The following GALNTL6 variants were observed in gnomAD, a reference collection of about 807,000 sequenced individuals.
GALNTL6 encodes the protein polypeptide N-acetylgalactosaminyltransferase-like 6.
Under a neutral mutation model 73.7 loss-of-function variants are expected in GALNTL6, and 46 were observed. The observed-to-expected ratio is 0.62, with a 90% CI of 0.49 to 0.80. The LOEUF (loss-of-function observed/expected upper bound fraction) is 0.80, where lower values mean the gene tolerates loss of function less well. Among genes scored for constraint, GALNTL6 ranks in the 30% least tolerant of loss-of-function variants. The pLI, the probability that GALNTL6 is intolerant of heterozygous loss-of-function variation, is 0.00. For synonymous variants in GALNTL6, 259 were observed against 263.7 expected (o/e 0.98, Z 0.17); for missense variants, 604 against 755.0 (o/e 0.80, Z 2.34).
Position 172,119,510 on chromosome 4 carries a change from T to C in GALNTL6, c.139-110146T>C, listed in dbSNP as rs989210900. ...ATGTGTTGGATATTTTACAGCTATTTTCTTGGCCACGTTATAACATTCTGA... is the reference window on the plus strand; with the variant it reads ...ATGTGTTGGATATTTTACAGCTATTCTCTTGGCCACGTTATAACATTCTGA... On this transcript the variant is annotated intron_variant, in intron 2 of 12. Coordinates refer to ENST00000506823, the MANE Select transcript of GALNTL6 (RefSeq NM_001034845.3). Among the ~76,000 whole-genome samples the C allele has an allele frequency of 2.6e-5, 4 of 152,178 alleles. No individual in the cohort carries two copies. The East Asian group carries it at 7.7e-4, about 29-fold the overall frequency.
At chr4:172,712,953 A>C (rs1734802961) in intron 5 of GALNTL6, among the ~76,000 whole-genome samples, 1 of 152,138 alleles carries the variant, frequency 6.6e-6, no homozygotes, top group Admixed American at 6.6e-5. Flanking sequence ...CTCTGGCTTA[A>C]TTTCCTTACG....
At chr4:172,715,883 T>C (rs1735050217) in intron 5 of GALNTL6, among the ~76,000 whole-genome samples, 1 of 152,194 alleles carries the variant, frequency 6.6e-6, no homozygotes, top group South Asian at 2.1e-4. Flanking sequence ...ACAAACTAAG[T>C]ACACTATGTT....
At chr4:172,196,774 G>C (rs1735785504) in intron 2 of GALNTL6, among the ~76,000 whole-genome samples, 1 of 152,036 alleles carries the variant, frequency 6.6e-6, no homozygotes, top group African/African-American at 2.4e-5. Context: ...CAATAAACTA[G>C]GTATTGAAGG....
chr4:172,465,206 G>A (rs907517938), intron 5 of GALNTL6, among the ~76,000 whole-genome samples: 14 of 152,132 alleles, frequency 9.2e-5, no homozygotes, highest in African/African-American at 2.7e-4. Context: ...GGCAGCGCGC[G>A]GTGGCTCACG....
intron 2 of GALNTL6, among the ~76,000 whole-genome samples, chr4:172,157,438 C>T (rs1329363213): frequency 1.3e-5 from 2 of 152,076 alleles, no homozygotes; most frequent in African/African-American, 4.8e-5. Context: ...TTTCCTAAAT[C>T]TGTTTCTTCA....
intron 2 of GALNTL6, chr4:171,815,617 C>T (rs1324904050): frequency 1.3e-5 from 2 of 152,166 alleles, no homozygotes; most frequent in Non-Finnish European, 2.9e-5. Flanking sequence ...TATTGATAAA[C>T]CACTTTTTCA....
At chr4:172,970,846 AGAGATTGCAGTAAG>A (rs1750550138) in intron 10 of GALNTL6, among the ~76,000 whole-genome samples, 1 of 152,252 alleles carries the variant, frequency 6.6e-6, no homozygotes, top group Admixed American at 6.5e-5. Flanking sequence ...ATTAATGTTC[AGAGATTGCAGTAAG>A]GACAGGTGTA....
intron 5 of GALNTL6, among the ~76,000 whole-genome samples, chr4:172,422,884 T>C (rs1051631605): frequency 6.6e-6 from 1 of 151,168 alleles, no homozygotes; most frequent in African/African-American, 2.4e-5. Flanking sequence ...TCCACACTTA[T>C]TTCCGGATTA....
intron 5 of GALNTL6, among the ~76,000 whole-genome samples, chr4:172,503,289 C>T (rs1380407958): frequency 6.6e-6 from 1 of 151,990 alleles, no homozygotes; most frequent in Non-Finnish European, 1.5e-5. Flanking sequence ...TTTAACAGGA[C>T]ATGGCCTACA....
intron 5 of GALNTL6, among the ~76,000 whole-genome samples, chr4:172,610,048 C>T (rs185786866): frequency 9.2e-5 from 14 of 151,924 alleles, no homozygotes; most frequent in Admixed American, 5.9e-4. Context: ...ATGTCCCCTT[C>T]GTCATTTCTA....
chr4:172,926,583 C>T (rs1214586435), intron 8 of GALNTL6, among the ~76,000 whole-genome samples: 1 of 152,196 alleles, frequency 6.6e-6, no homozygotes, highest in Non-Finnish European at 1.5e-5. Flanking sequence ...CCTAGTCCTG[C>T]AGGAAAGATT....
At chr4:171,985,068 TG>T (rs1304865524) in intron 2 of GALNTL6, among the ~76,000 whole-genome samples, 3 of 152,032 alleles carry the variant, frequency 2.0e-5, no homozygotes, top group Non-Finnish European at 2.9e-5. Context: ...AGTTTTACAA[TG>T]TTTTTTTTAG....
At chr4:171,987,394 T>C (rs1035096468) in intron 2 of GALNTL6, among the ~76,000 whole-genome samples, 30 of 152,144 alleles carry the variant, frequency 2.0e-4, no homozygotes, top group African/African-American at 7.2e-4. Context: ...AAGGCTAAAC[T>C]GAGGAATTAT....
chr4:172,727,999 G>A (rs1361400881), intron 5 of GALNTL6, among the ~76,000 whole-genome samples: 3 of 151,790 alleles, frequency 2.0e-5, no homozygotes, highest in Admixed American at 2.0e-4. Context: ...TGCAACCTCC[G>A]CCTCCTGGGT....
chr4:172,379,936 T>C (rs1329386972), intron 5 of GALNTL6: 1 of 642,906 alleles, frequency 1.6e-6, no homozygotes, highest in Admixed American at 2.7e-5. Flanking sequence ...TATTCTGTAG[T>C]GTTTCTAAGA....
At chr4:172,219,400 A>G (rs1340025227) in intron 2 of GALNTL6, among the ~76,000 whole-genome samples, 1 of 151,598 alleles carries the variant, frequency 6.6e-6, no homozygotes, top group Non-Finnish European at 1.5e-5. Flanking sequence ...CCAAATGCCC[A>G]TAAATCTTTC....
chr4:172,334,826 C>T lies in GALNTL6; in HGVS notation c.387-13697C>T, dbSNP rs202007551. On this transcript the variant is annotated intron_variant, in intron 4 of 12. Coordinates refer to ENST00000506823, the MANE Select transcript of GALNTL6 (RefSeq NM_001034845.3). ...CTGTTCTTAAGAGGAATGCTTCTAG[C>T]TTTTGCCCATTCAGTAGGATGTTTG... is the stretch of plus-strand genomic sequence containing the variant. 8.1e-4 allele frequency among the ~76,000 whole-genome samples: 123 copies of T among 152,212 alleles called. 2 individuals carry two copies. In the South Asian group the frequency reaches 0.016, roughly 20 times the overall value.
intron 5 of GALNTL6, among the ~76,000 whole-genome samples, chr4:172,798,299 G>C (rs1178096699): frequency 6.6e-6 from 1 of 152,178 alleles, no homozygotes; most frequent in Non-Finnish European, 1.5e-5. Flanking sequence ...CCCCAATGTT[G>C]GAGGTAGGGC....
chr4:172,429,190 TTTATA>T (rs753841907), intron 5 of GALNTL6, among the ~76,000 whole-genome samples: 1,509 of 137,560 alleles, frequency 0.011, 32 homozygotes, highest in African/African-American at 0.016. Context: ...TTTATTTTAT[TTTATA>T]TTATTTTATT....
Sources: allele counts gnomAD v4.1 joint callset (sites outside exome capture counted in the v4.1 genomes callset), GRCh38; gene constraint gnomAD v4.1.1; transcripts MANE v1.5; gene names NCBI Gene and HGNC (gene_info 2026-07-23, HGNC 2026-07-21).